The following ARHGAP15 variants were observed in gnomAD, a reference collection of about 807,000 sequenced individuals.
ARHGAP15 encodes the protein rho GTPase-activating protein 15.
ARHGAP15 carries 51 observed loss-of-function variants against 63.7 expected under a neutral mutation model. That is an observed-to-expected ratio of 0.80 (90% confidence interval 0.64 to 1.01). The LOEUF (loss-of-function observed/expected upper bound fraction) is 1.01, where lower values mean the gene tolerates loss of function less well. ARHGAP15 is among the 50% of genes least tolerant of loss of function. The pLI, the probability that ARHGAP15 is intolerant of heterozygous loss-of-function variation, is 0.00. For synonymous variants in ARHGAP15, 191 were observed against 193.8 expected (o/e 0.99, Z 0.12); for missense variants, 560 against 564.6 (o/e 0.99, Z 0.08).
intron 13 of ARHGAP15, among the ~76,000 whole-genome samples, chr2:143,719,626 G>A (rs12465492): frequency 0.3 from 45,309 of 152,058 alleles, 7,460 homozygotes; most frequent in Non-Finnish European, 0.38. Context: ...GTCAACAGAA[G>A]GGAATTCCAT....
chr2:143,168,155 T>G (rs1690622691), intron 2 of ARHGAP15, among the ~76,000 whole-genome samples: 1 of 152,172 alleles, frequency 6.6e-6, no homozygotes, highest in Admixed American at 6.6e-5. Context: ...GGACTTAATT[T>G]CAATTATTTA....
intron 12 of ARHGAP15, among the ~76,000 whole-genome samples, chr2:143,658,977 G>C (rs1323107638): frequency 6.6e-6 from 1 of 152,136 alleles, no homozygotes; most frequent in African/African-American, 2.4e-5. Context: ...AGAAGGAGAA[G>C]AATAGATGTA....
At chr2:143,407,470 C>T (rs187140873) in intron 6 of ARHGAP15, among the ~76,000 whole-genome samples, 149 of 151,860 alleles carry the variant, frequency 9.8e-4, no homozygotes, top group African/African-American at 3.4e-3. Flanking sequence ...AAATATCATT[C>T]ACTGAATGAA....
intron 5 of ARHGAP15, among the ~76,000 whole-genome samples, chr2:143,235,369 C>G (rs6430014): frequency 0.17 from 26,339 of 151,002 alleles, 2,495 homozygotes; most frequent in Middle Eastern, 0.26. Context: ...AGTGCAGGGG[C>G]ATAAAAAACA....
chr2:143,133,294 A>G (rs1688984587), intron 1 of ARHGAP15, among the ~76,000 whole-genome samples: 1 of 152,234 alleles, frequency 6.6e-6, no homozygotes, highest in Admixed American at 6.5e-5. Context: ...TGAATTCTCC[A>G]GTTTTGTTAG....
At chr2:143,380,078 A>C (rs1468007718) in intron 6 of ARHGAP15, among the ~76,000 whole-genome samples, 1 of 152,132 alleles carries the variant, frequency 6.6e-6, no homozygotes, top group African/African-American at 2.4e-5. Context: ...GCCCTCAAGC[A>C]GATCTAATCT....
At chr2:143,576,705 G>T (rs1467100089) in intron 11 of ARHGAP15, among the ~76,000 whole-genome samples, 1 of 151,992 alleles carries the variant, frequency 6.6e-6, no homozygotes, top group Non-Finnish European at 1.5e-5. Context: ...ATATGATAAA[G>T]AAAAAAGAAC....
intron 6 of ARHGAP15, among the ~76,000 whole-genome samples, chr2:143,284,585 T>C (rs1682004582): frequency 6.6e-6 from 1 of 152,188 alleles, no homozygotes; most frequent in East Asian, 1.9e-4. Context: ...CTAACACAGA[T>C]AACCCAAAAG....
intron 11 of ARHGAP15, among the ~76,000 whole-genome samples, chr2:143,563,135 T>C (rs1696095253): frequency 6.6e-6 from 1 of 152,188 alleles, no homozygotes. Flanking sequence ...TAATAGAAAT[T>C]ATTTTAACCC....
chr2:143,144,599 TG>T (rs1689503438), intron 1 of ARHGAP15, among the ~76,000 whole-genome samples: 1 of 152,054 alleles, frequency 6.6e-6, no homozygotes, highest in African/African-American at 2.4e-5. Context: ...TTGGTCTGGT[TG>T]ACAAAGTACC....
intron 11 of ARHGAP15, among the ~76,000 whole-genome samples, chr2:143,599,478 G>A (rs550895777): frequency 1.6e-4 from 24 of 151,966 alleles, no homozygotes; most frequent in Admixed American, 5.3e-4. Flanking sequence ...GTTGAGGATC[G>A]CTTGAAATCA....
At chr2:143,140,719 C>T (rs1478514890) in intron 1 of ARHGAP15, among the ~76,000 whole-genome samples, 1 of 151,852 alleles carries the variant, frequency 6.6e-6, no homozygotes, top group Non-Finnish European at 1.5e-5. Flanking sequence ...TTGAGGAAAC[C>T]AACTCAGGAT....
rs145815917 is a variant in ARHGAP15 at position 143,747,518 on chromosome 2, T to G, written c.1245-20471T>G. Among the ~76,000 whole-genome samples the G allele has an allele frequency of 1.1e-3, 166 of 152,346 alleles. 3 individuals are homozygous for G. Among genetic ancestry groups the G allele is most frequent in the African/African-American group, 3.8e-3 (160 of 41,580 alleles). The stretch of plus-strand genomic sequence containing the variant: ...GTTTTTTACTACCCTAAAAATCTGC[T>G]GTGTTCCACCTTTTCATTCCTCCCT... On this transcript the variant is annotated intron_variant, in intron 13 of 13. Transcript: ENST00000295095.
intron 6 of ARHGAP15, among the ~76,000 whole-genome samples, chr2:143,266,537 T>C (rs957142391): frequency 3.3e-5 from 5 of 152,310 alleles, no homozygotes; most frequent in African/African-American, 1.2e-4. Context: ...TTGGAAATGA[T>C]ATGTATCTAT....
In ARHGAP15 at chr2:143,237,249, G is replaced by T. The variant is rs555687669; in HGVS notation, c.384+8581G>T. The T allele has an allele frequency of 4.6e-5, 7 of 152,144 alleles. No homozygotes were observed. The South Asian group carries it at 1.5e-3, about 32-fold the overall frequency. 9.4% of individuals were successfully genotyped at this position (152,144 alleles called of 1,614,324 possible). A position where few individuals can be genotyped will look rare whatever the true frequency, so the allele number is the denominator to read the frequency against. On this transcript the variant is annotated intron_variant, in intron 5 of 13. Transcript: ENST00000295095. ...ACATGCAGGACTTGGTAAATTATCCGAGAGACATGTTCTAAAAATTTATGC... is the reference window on the plus strand; with the variant it reads ...ACATGCAGGACTTGGTAAATTATCCTAGAGACATGTTCTAAAAATTTATGC...
At chr2:143,428,088 G>A (rs546620646) in intron 6 of ARHGAP15, among the ~76,000 whole-genome samples, 1 of 152,146 alleles carries the variant, frequency 6.6e-6, no homozygotes, top group African/African-American at 2.4e-5. Flanking sequence ...ACATAAACCA[G>A]TTTGTGCTAA....
chr2:143,336,500 T>C (rs1020667269), intron 6 of ARHGAP15, among the ~76,000 whole-genome samples: 1 of 152,182 alleles, frequency 6.6e-6, no homozygotes. Flanking sequence ...AATTATTAGA[T>C]GGTTTTATTC....
intron 6 of ARHGAP15, among the ~76,000 whole-genome samples, chr2:143,340,582 T>C (rs1284974067): frequency 6.6e-6 from 1 of 152,038 alleles, no homozygotes; most frequent in Non-Finnish European, 1.5e-5. Flanking sequence ...GGGCAAGCAG[T>C]GTGCAAGCAC....
At chr2:143,481,928 G>A (rs1238833702) in intron 8 of ARHGAP15, among the ~76,000 whole-genome samples, 2 of 152,278 alleles carry the variant, frequency 1.3e-5, no homozygotes, top group East Asian at 1.9e-4. Context: ...GGTATTTAAA[G>A]CTAATGCCTT....
Sources: gnomAD v4.1 joint callset for allele counts (sites outside exome capture counted in the v4.1 genomes callset) on GRCh38, gnomAD v4.1.1 for gene constraint, MANE v1.5 for transcripts, NCBI Gene and HGNC (gene_info 2026-07-23, HGNC 2026-07-21) for gene names.